The following FOXP1 variants were observed in gnomAD, a reference collection of about 807,000 sequenced individuals.
FOXP1 encodes the protein forkhead box P1, also known as forkhead box protein P1.
A neutral mutation model predicts 98.2 loss-of-function variants in FOXP1; 15 were observed. That is an observed-to-expected ratio of 0.15 (90% CI 0.10 to 0.24). The LOEUF (loss-of-function observed/expected upper bound fraction) is 0.24, where lower values mean the gene tolerates loss of function less well. Ranked by LOEUF, FOXP1 falls within the 10% of genes least tolerant of loss-of-function variation. The probability of loss-of-function intolerance (pLI) is 1.00; values close to 1 mark genes in which losing one functional copy is unlikely to be tolerated. For missense variants in FOXP1, 633 were observed against 848.5 expected, an observed-to-expected ratio of 0.75 and a Z score of 3.15; for synonymous variants, 371 against 314.5, an observed-to-expected ratio of 1.18 and a Z score of -1.90.
At chr3:71,536,092 A>G (rs1227090449) in intron 2 of FOXP1, among the ~76,000 whole-genome samples, 1 of 152,134 alleles carries the variant, frequency 6.6e-6, no homozygotes, top group Non-Finnish European at 1.5e-5. Flanking sequence ...CAGTCAAAAC[A>G]CAACGAGACA....
At chr3:71,467,617 A>G (rs556289842) in intron 3 of FOXP1, among the ~76,000 whole-genome samples, 2 of 152,330 alleles carry the variant, frequency 1.3e-5, no homozygotes, top group East Asian at 3.9e-4. Flanking sequence ...CTGTGGCTAA[A>G]AAAACTTTCC....
At chr3:71,482,590 G>T (rs1329502637) in intron 3 of FOXP1, among the ~76,000 whole-genome samples, 1 of 151,826 alleles carries the variant, frequency 6.6e-6, no homozygotes, top group Non-Finnish European at 1.5e-5. Flanking sequence ...AGTAGAGACG[G>T]GGTTTCACCA....
intron 11 of FOXP1, among the ~76,000 whole-genome samples, chr3:71,038,301 T>C (rs1459360684): frequency 6.6e-6 from 1 of 152,240 alleles, no homozygotes; most frequent in Non-Finnish European, 1.5e-5. Flanking sequence ...TTAAAGCTGC[T>C]AACCCACGAT....
At chr3:71,230,640 G>A (rs1470410572) in intron 5 of FOXP1, among the ~76,000 whole-genome samples, 2 of 152,200 alleles carry the variant, frequency 1.3e-5, no homozygotes, top group African/African-American at 4.8e-5. Context: ...CCAAACCTGT[G>A]AGTAAAGTAA....
intron 2 of FOXP1, among the ~76,000 whole-genome samples, chr3:71,567,567 G>C (rs547037873): frequency 6.6e-6 from 1 of 152,304 alleles, no homozygotes; most frequent in South Asian, 2.1e-4. Context: ...TATACCCTTA[G>C]GGAAGCTGTT....
chr3:71,414,406 A>G, intron 3 of FOXP1, among the ~76,000 whole-genome samples: 1 of 152,178 alleles, frequency 6.6e-6, no homozygotes, highest in East Asian at 1.9e-4. Flanking sequence ...GAAGGCCAGG[A>G]AAATCCCAGT....
chr3:71,356,795 A>C (rs988313401), intron 4 of FOXP1, among the ~76,000 whole-genome samples: 3 of 152,126 alleles, frequency 2.0e-5, no homozygotes, highest in African/African-American at 7.2e-5. Context: ...GCATCCAAGG[A>C]GTTTCTGCGA....
intron 5 of FOXP1, among the ~76,000 whole-genome samples, chr3:71,219,944 G>C (rs773718915): frequency 7.9e-5 from 12 of 152,130 alleles, no homozygotes; most frequent in Non-Finnish European, 1.5e-4. Context: ...CAGGCATGCA[G>C]AGTACTCCAA....
intron 4 of FOXP1, chr3:71,333,613 AC>A (rs1188032140): frequency 6.6e-6 from 1 of 152,146 alleles, no homozygotes; most frequent in Non-Finnish European, 1.5e-5. Context: ...ACTTGCACTC[AC>A]GAGTTTGAAG....
intron 7 of FOXP1, among the ~76,000 whole-genome samples, chr3:71,107,884 C>T (rs550431532): frequency 6.6e-6 from 1 of 152,252 alleles, no homozygotes; most frequent in East Asian, 1.9e-4. Context: ...TAAAAAAACA[C>T]CTGCTGAATC....
chr3:71,301,451 T>C (rs2073839986), intron 4 of FOXP1, among the ~76,000 whole-genome samples: 2 of 152,164 alleles, frequency 1.3e-5, no homozygotes, highest in Admixed American at 1.3e-4. Flanking sequence ...AATTTCTACA[T>C]CTACCACTCA....
chr3:71,076,113 C>T (rs796523938), intron 7 of FOXP1, among the ~76,000 whole-genome samples: 46 of 152,130 alleles, frequency 3.0e-4, no homozygotes, highest in Admixed American at 9.8e-4. Flanking sequence ...ATGGAATCTT[C>T]GGCCTATATT....
intron 3 of FOXP1, among the ~76,000 whole-genome samples, chr3:71,413,477 TTCTG>T (rs2082960567): frequency 6.6e-6 from 1 of 152,076 alleles, no homozygotes; most frequent in Admixed American, 6.6e-5. Flanking sequence ...CTTGTTTAAT[TTCTG>T]TCTTTTTGTC....
chr3:71,479,996 C>T lies in FOXP1; in HGVS notation c.-168+13430G>A, dbSNP rs1560543273. Among the ~76,000 whole-genome samples the T allele has an allele frequency of 2.6e-5, 4 of 152,010 alleles. No homozygotes were observed. In the South Asian group the frequency reaches 8.3e-4, roughly 31 times the overall value. On this transcript the variant is annotated intron_variant, in intron 3 of 20. Coordinates refer to ENST00000649528, the MANE Select transcript of FOXP1 (RefSeq NM_001349338.3). ...GCAGATCACGAGGTCAGGAGTTCGA[C>T]ACCAGCCTGACCAACATGGGGAAAC...
In FOXP1 at chr3:70,955,947, A is replaced by G. The variant is rs1334437499; in HGVS notation, c.*3300T>C. ...TAAAAGCAGAAAAAAAAAGTTAGGG[A>G]GTTTCTCCCTCCCACATGTCAGGAA... On this transcript the variant is annotated 3_prime_UTR_variant, in exon 21 of 21. Coordinates refer to ENST00000649528, the MANE Select transcript of FOXP1 (RefSeq NM_001349338.3). 4 of 233,118 alleles carry G rather than the reference A, an allele frequency of 1.7e-5. No homozygotes were observed. Among genetic ancestry groups the G allele is most frequent in the African/African-American group, 8.8e-5 (4 of 45,326 alleles). 14.4% of individuals were successfully genotyped at this position (233,118 alleles called of 1,614,324 possible).
chr3:71,159,535 A>G lies in FOXP1; in HGVS notation c.180+38667T>C, dbSNP rs537943564. Among the ~76,000 whole-genome samples, 22 of 152,312 alleles carry G rather than the reference A, an allele frequency of 1.4e-4. No homozygotes were observed. The South Asian group carries it at 1.5e-3, about 10-fold the overall frequency. Reference sequence around the variant, plus strand: ...AAGTTCCTTGACCGGACCCAGCTTCATCAAGGGAGGCTGGCGAATTTCTCT... The same window carrying G: ...AAGTTCCTTGACCGGACCCAGCTTCGTCAAGGGAGGCTGGCGAATTTCTCT... On this transcript the variant is annotated intron_variant, in intron 6 of 20. Coordinates refer to ENST00000649528, the MANE Select transcript of FOXP1 (RefSeq NM_001349338.3).
At chr3:71,079,529 T>C (rs560388971) in intron 7 of FOXP1, among the ~76,000 whole-genome samples, 2 of 152,370 alleles carry the variant, frequency 1.3e-5, no homozygotes, top group African/African-American at 4.8e-5. Flanking sequence ...TCTAAATTTC[T>C]TGGATCATAT....
chr3:71,248,199 T>C (rs2067900185), intron 5 of FOXP1, among the ~76,000 whole-genome samples: 1 of 152,254 alleles, frequency 6.6e-6, no homozygotes, highest in African/African-American at 2.4e-5. Flanking sequence ...GATAGTGTTC[T>C]ATATGTAGCT....
chr3:71,299,515 CCTTT>C (rs1446949856), intron 5 of FOXP1, among the ~76,000 whole-genome samples: 1 of 152,164 alleles, frequency 6.6e-6, no homozygotes, highest in Non-Finnish European at 1.5e-5. Flanking sequence ...TGTGAATATT[CCTTT>C]CTAACTTTAA....
Sources: gnomAD v4.1 joint callset for allele counts (sites outside exome capture counted in the v4.1 genomes callset) on GRCh38, gnomAD v4.1.1 for gene constraint, MANE v1.5 for transcripts, NCBI Gene and HGNC (gene_info 2026-07-23, HGNC 2026-07-21) for gene names.